The following MEI1 variants were observed in gnomAD, a reference collection of about 807,000 sequenced individuals.
MEI1 encodes the protein meiotic double-stranded break formation protein 1.
Under a neutral mutation model 146.2 loss-of-function variants are expected in MEI1, and 103 were observed. The observed-to-expected ratio is 0.70, with a 90% CI of 0.60 to 0.83. The LOEUF is 0.83. Among genes scored for constraint, MEI1 ranks in the 40% least tolerant of loss-of-function variants. The probability of loss-of-function intolerance (pLI) is 0.00; values close to 1 mark genes in which losing one functional copy is unlikely to be tolerated. For synonymous variants in MEI1, 652 were observed against 628.2 expected (o/e 1.04, Z -0.57); for missense variants, 1,529 against 1,533.0 (o/e 1.00, Z 0.04).
intron 15 of MEI1, among the ~76,000 whole-genome samples, chr22:41,748,838 C>T (rs2073529101): frequency 6.6e-6 from 1 of 151,896 alleles, no homozygotes; most frequent in Non-Finnish European, 1.5e-5. Flanking sequence ...GAGTCTCGCC[C>T]TGTTGCCCAG....
At chr22:41,758,634 C>A (rs992627336) in intron 18 of MEI1, 101 bp downstream of exon 18, 6 of 1,229,120 alleles carry the variant, frequency 4.9e-6, no homozygotes, top group Non-Finnish European at 6.7e-6. Flanking sequence ...ATGCTGGGCA[C>A]TGGGGACACG....
At position 41,699,618 on chromosome 22, in the gene MEI1, C is replaced by A; in HGVS notation, c.80C>A (p.Ala27Asp). 6.2e-7 allele frequency: 1 copy of A among 1,611,976 alleles called. No individual in the cohort carries two copies. Among genetic ancestry groups the A allele is most frequent in the Non-Finnish European group, 8.5e-7 (1 of 1,179,196 alleles). The change falls in exon 1 of 31, where the codon GCC (alanine) becomes GAC (aspartate). Residue 27 changes from alanine to aspartate, a missense_variant. This residue lies in a region of MEI1 where 1,212 missense variants were observed against 1,178.9 expected (regional missense o/e 1.03). Transcript: ENST00000401548. Reference sequence around the variant, plus strand: ...GAGGCGGCGCTTCTATTCGAGAGGGCCCATTACCGGCACGACCCGCGCTGG... The same window carrying A: ...GAGGCGGCGCTTCTATTCGAGAGGGACCATTACCGGCACGACCCGCGCTGG... Reference protein sequence around the residue: ...EEEAALLFERAHYRHDPRWLL... With the variant: ...EEEAALLFERDHYRHDPRWLL...
chr22:41,706,917 G>T lies in MEI1; in HGVS notation c.349+1363G>T, dbSNP rs184148678. ...TAAAGAATGGTTAAGTAGGCCGGGC[G>T]CAGTGGCTCACGCCTGTAATCCCAG... On this transcript the variant is annotated intron_variant, in intron 3 of 30. Transcript: ENST00000401548. 2.6e-4 allele frequency among the ~76,000 whole-genome samples: 40 copies of T among 151,846 alleles called. No homozygotes were observed. In the East Asian group the frequency reaches 6.8e-3, roughly 26 times the overall value.
intron 24 of MEI1, among the ~76,000 whole-genome samples, chr22:41,784,092 G>T (rs951563296): frequency 1.3e-5 from 2 of 152,220 alleles, no homozygotes; most frequent in African/African-American, 4.8e-5. Context: ...AAGGCTGTCT[G>T]ATGGAGGAGG....
intron 10 of MEI1, 52 bp from the exon 11 acceptor site, chr22:41,732,417 T>C: frequency 1.2e-6 from 2 of 1,613,574 alleles, no homozygotes; most frequent in Non-Finnish European, 1.7e-6. Context: ...TCACTCCTGG[T>C]GGGGTCAGTG....
At chr22:41,779,293 A>T (rs1335456816) in intron 22 of MEI1, among the ~76,000 whole-genome samples, 7 of 152,068 alleles carry the variant, frequency 4.6e-5, no homozygotes, top group African/African-American at 1.7e-4. Flanking sequence ...CAAAAAAAAT[A>T]CAAATAATTA....
rs1267836148 is a variant in MEI1 at position 41,795,533 on chromosome 22, C to A, written c.3657C>A (p.Phe1219Leu). The part of the protein sequence containing the change: ...SNTTLQALHG[F>L]FQQLQSMGHL... Reference sequence around the variant, plus strand: ...CCACACTCCAGGCCCTGCATGGCTTCTTCCAGCAGGTGGGTGGGAAGGGGA... The same window carrying A: ...CCACACTCCAGGCCCTGCATGGCTTATTCCAGCAGGTGGGTGGGAAGGGGA... The change falls in exon 29 of 31, where the codon TTC becomes TTA. Residue 1219 changes from phenylalanine (F) to leucine (L), a missense_variant. Physicochemically the swap from Phe to Leu is conservative, Grantham distance 22. Coordinates refer to ENST00000401548, the MANE Select transcript of MEI1 (RefSeq NM_152513.4). The surrounding 1 kb of genome is among the most constrained non-coding windows in gnomAD (Gnocchi z 4.2). 6.2e-7 allele frequency: 1 copy of A among 1,613,850 alleles called. No individual in the cohort carries two copies. The highest frequency in any genetic ancestry group is 8.5e-7 in the Non-Finnish European group (1 of 1,179,852).
At chr22:41,757,026 C>T (rs1272030366) in intron 17 of MEI1, among the ~76,000 whole-genome samples, 1 of 152,250 alleles carries the variant, frequency 6.6e-6, no homozygotes, top group Non-Finnish European at 1.5e-5. Context: ...GGCCTCTGAA[C>T]ACCTTGCTTC....
intron 21 of MEI1, among the ~76,000 whole-genome samples, chr22:41,778,278 G>T (rs189999774): frequency 6.7e-6 from 1 of 148,154 alleles, no homozygotes; most frequent in African/African-American, 2.4e-5. Context: ...TCTACCAAAG[G>T]CCTCACTTCC....
chr22:41,729,908 G>T (rs1337141536), intron 8 of MEI1, 129 bp downstream of exon 8: 2 of 603,528 alleles, frequency 3.3e-6, no homozygotes, highest in Non-Finnish European at 5.4e-6. Context: ...CAGATTTCTT[G>T]TATGACCTTG....
chr22:41,702,750 A>G (rs1452442512), intron 1 of MEI1, among the ~76,000 whole-genome samples: 3 of 150,106 alleles, frequency 2.0e-5, no homozygotes, highest in Non-Finnish European at 3.0e-5. Flanking sequence ...CGGCCTCTGA[A>G]CACACTTTTC....
rs2074627518 is a variant in MEI1, at chr22:41,763,327, G to A, written c.2268+6G>A. On this transcript the variant is annotated splice_donor_region_variant and intron_variant, in intron 19 of 30. Coordinates refer to ENST00000401548, the MANE Select transcript of MEI1 (RefSeq NM_152513.4). ...AAGACAATACACTACGTGAGGTATG[G>A]ACCACAATGCCTGGGCTCCTTGTCC... 1.9e-6 allele frequency: 3 copies of A among 1,613,352 alleles called. No individual in the cohort carries two copies. The highest frequency in any genetic ancestry group is 2.5e-6 in the Non-Finnish European group (3 of 1,179,656).
intron 19 of MEI1, among the ~76,000 whole-genome samples, chr22:41,764,501 C>T (rs924490102): frequency 7.2e-5 from 11 of 152,172 alleles, no homozygotes; most frequent in African/African-American, 2.4e-4. Flanking sequence ...ACTCTCATCA[C>T]ATTTGCCTCA....
rs1437238752 is a variant in MEI1, at chr22:41,745,030, C to G, written c.1504C>G (p.Leu502Val). 3 of 1,565,088 alleles carry G rather than the reference C, an allele frequency of 1.9e-6. No individual in the cohort carries two copies. In the South Asian group the frequency reaches 3.6e-5, roughly 19 times the overall value. ...CATTCTTCAAAGGGGAAAGTTCCTCCTCAGCACTCTGGAGGGATTTAGAAG... is the reference window on the plus strand; with the variant it reads ...CATTCTTCAAAGGGGAAAGTTCCTCGTCAGCACTCTGGAGGGATTTAGAAG... Reference protein sequence around the residue: ...KAILQRGKFLLSTLEGFRSAC... With the variant: ...KAILQRGKFLVSTLEGFRSAC... The change falls in exon 13 of 31, where the codon CTC (leucine) becomes GTC (valine). Residue 502 changes from leucine (L) to valine (V), a missense_variant. By Grantham distance (32) the Leu-to-Val change is conservative. Transcript: ENST00000401548.
At chr22:41,771,866 C>A (rs1602068580) in intron 20 of MEI1, among the ~76,000 whole-genome samples, 2 of 152,218 alleles carry the variant, frequency 1.3e-5, no homozygotes, top group South Asian at 4.1e-4. Context: ...ATGAAATATT[C>A]GGGGTCAGTT....
intron 20 of MEI1, among the ~76,000 whole-genome samples, chr22:41,772,647 A>G (rs1399575411): frequency 6.6e-6 from 1 of 152,234 alleles, no homozygotes; most frequent in Admixed American, 6.5e-5. Context: ...TACATGAAAC[A>G]TAGGCTTAGA....
At chr22:41,764,644 CGTG>C (rs1264565783) in intron 19 of MEI1, among the ~76,000 whole-genome samples, 1 of 152,214 alleles carries the variant, frequency 6.6e-6, no homozygotes, top group Non-Finnish European at 1.5e-5. Flanking sequence ...ATGAATCAGA[CGTG>C]GTCCTTGATT....
chr22:41,730,666 T>C (rs1450601813), intron 9 of MEI1, 29 bp downstream of exon 9: 1 of 1,506,250 alleles, frequency 6.6e-7, no homozygotes, highest in Non-Finnish European at 9.2e-7. Flanking sequence ...GTACTAGCTT[T>C]GGGTTGGGTG....
chr22:41,760,045 C>T (rs1041760699), intron 18 of MEI1, among the ~76,000 whole-genome samples: 1 of 151,854 alleles, frequency 6.6e-6, no homozygotes, highest in Admixed American at 6.6e-5. Context: ...TGCAGTGGCT[C>T]ACTCCTGTAA....
Sources: gnomAD v4.1 joint callset for allele counts (sites outside exome capture counted in the v4.1 genomes callset) on GRCh38, gnomAD v4.1.1 for gene constraint, gnomAD v4.1.1 regional missense constraint, Gnocchi (gnomAD v3.1) non-coding constraint, MANE v1.5 for transcripts, NCBI Gene and HGNC (gene_info 2026-07-23, HGNC 2026-07-21) for gene names.